KIF20B: variants seen among roughly 807,000 people sequenced by gnomAD.
The protein encoded by KIF20B is kinesin family member 20B.
In KIF20B, 188 loss-of-function variants were observed where a neutral mutation model predicts 232.5. That is an observed-to-expected ratio of 0.81 (90% CI 0.72 to 0.91). KIF20B has a LOEUF of 0.91. Ranked by LOEUF, KIF20B falls within the 40% of genes least tolerant of loss-of-function variation. KIF20B has a pLI of 0.00. For synonymous variants in KIF20B, 712 were observed against 683.0 expected (o/e 1.04, Z -0.66); for missense variants, 2,154 against 2,055.9 (o/e 1.05, Z -0.92).
At chr10:89,714,646 T>A (rs1842901694) in intron 7 of KIF20B, among the ~76,000 whole-genome samples, 1 of 152,248 alleles carries the variant, frequency 6.6e-6, no homozygotes, top group South Asian at 2.1e-4. Context: ...ATATTACAGA[T>A]ATCCCTTTTA....
intron 27 of KIF20B, among the ~76,000 whole-genome samples, chr10:89,759,830 C>T (rs1842201290): frequency 6.6e-6 from 1 of 152,008 alleles, no homozygotes. Context: ...TCTTATTTGG[C>T]AGTAATGGGG....
Position 89,774,653 on chromosome 10 carries a change from C to T in KIF20B, c.*605C>T, listed in dbSNP as rs1440634474. ...TATCATGGAGAATGAGGTATCCATC[C>T]CCTCAAGCATTTTTCCTTTGAATTA... On this transcript the variant is annotated 3_prime_UTR_variant, in exon 33 of 33. Coordinates refer to ENST00000371728, the MANE Select transcript of KIF20B (RefSeq NM_001284259.2). The T allele has an allele frequency of 3.3e-5, 5 of 151,882 alleles. No homozygotes were observed. The highest frequency in any genetic ancestry group is 1.2e-4 in the African/African-American group (5 of 41,390). The allele number at this position is 151,882 out of a possible 1,614,324, so 9.4% of individuals were successfully genotyped here.
intron 24 of KIF20B, 30 bp from the exon 25 acceptor site, chr10:89,752,537 T>G: frequency 1.3e-6 from 2 of 1,546,864 alleles, no homozygotes; most frequent in Non-Finnish European, 8.8e-7. Flanking sequence ...TGCATATGCT[T>G]TAAAACATAA....
intron 13 of KIF20B, 95 bp from the exon 14 acceptor site, chr10:89,723,869 C>T: frequency 1.0e-6 from 1 of 968,898 alleles, no homozygotes; most frequent in Admixed American, 3.9e-5. Flanking sequence ...TTACAATTGA[C>T]TAAATGTAAA....
Position 89,758,891 on chromosome 10 carries a change from T to G in KIF20B, c.4680+9T>G. The G allele has an allele frequency of 6.8e-7, 1 of 1,470,170 alleles. No homozygotes were observed. 91.1% of individuals were successfully genotyped at this position (1,470,170 alleles called of 1,614,324 possible). A position where few individuals can be genotyped will look rare whatever the true frequency, so the allele number is the denominator to read the frequency against. ...CAGAGACTTCTAAAATAGTCAGTAGTCTTTTTTGCTATGCCTTTTTAATTG... is the reference window on the plus strand; with the variant it reads ...CAGAGACTTCTAAAATAGTCAGTAGGCTTTTTTGCTATGCCTTTTTAATTG... On this transcript the variant is annotated intron_variant, in intron 27 of 32. Coordinates refer to ENST00000371728, the MANE Select transcript of KIF20B (RefSeq NM_001284259.2).
At chr10:89,765,293 A>G (rs974051686) in intron 29 of KIF20B, among the ~76,000 whole-genome samples, 2 of 152,162 alleles carry the variant, frequency 1.3e-5, no homozygotes, top group African/African-American at 4.8e-5. Flanking sequence ...CAATTGCTTC[A>G]AAGAGAATAA....
In KIF20B at chr10:89,774,557, T is replaced by G. The variant is rs1425835638; in HGVS notation, c.*509T>G. The G allele has an allele frequency of 6.6e-6, 1 of 152,044 alleles. No homozygotes were observed. Among genetic ancestry groups the G allele is most frequent in the African/African-American group, 2.4e-5 (1 of 41,426 alleles). The allele number at this position is 152,044 out of a possible 1,614,324, so 9.4% of individuals were successfully genotyped here. On this transcript the variant is annotated 3_prime_UTR_variant, in exon 33 of 33. Transcript: ENST00000371728. The stretch of plus-strand genomic sequence containing the variant: ...ACTTATTTTGTAAACATTTTGTGGG[T>G]ACATAGTACATGTATATATTTACGG...
chr10:89,741,135 A>C (rs1477631400), intron 21 of KIF20B, among the ~76,000 whole-genome samples: 1 of 152,214 alleles, frequency 6.6e-6, no homozygotes, highest in Non-Finnish European at 1.5e-5. Context: ...TCTGGGGGTG[A>C]TGGGAGACAG....
chr10:89,723,273 A>G (rs1843106063), intron 13 of KIF20B, among the ~76,000 whole-genome samples: 1 of 152,226 alleles, frequency 6.6e-6, no homozygotes, highest in Non-Finnish European at 1.5e-5. Context: ...ATTAAAAAGA[A>G]TATGTAGCTG....
Position 89,726,382 on chromosome 10 carries a change from CT to C in KIF20B, c.2093del (p.Leu698TyrfsTer16). On this transcript the variant is annotated frameshift_variant, in exon 16 of 33. Coordinates refer to ENST00000371728, the MANE Select transcript of KIF20B (RefSeq NM_001284259.2). LOFTEE classifies it high-confidence loss of function. The stretch of plus-strand genomic sequence containing the variant: ...TTAAGAAACAGGCTGAAATTGCTCA[CT>C]TATATATTGCATCTCTTCCTGACCC... ...DIKKQAEIAHLYIASLPDPQE... is the reference protein window; with the variant it reads ...DIKKQAEIAHXYIASLPDPQE... 6.4e-7 allele frequency: 1 copy of C among 1,570,982 alleles called. No individual in the cohort carries two copies. The highest frequency in any genetic ancestry group is 1.2e-5 in the South Asian group (1 of 85,930).
Position 89,719,555 on chromosome 10 carries a change from A to G in KIF20B, c.1571A>G (p.Asn524Ser). The part of the protein sequence containing the change: ...NVKRATISWE[N>S]SLEDLMEDED... ...AAAAGAGCCACCATTTCATGGGAAA[A>G]TAGTCTAGAAGATTTGATGGAAGAC... The change falls in exon 13 of 33, where the codon AAT becomes AGT. Residue 524 changes from asparagine to serine, a missense_variant. Transcript: ENST00000371728. 6.2e-7 allele frequency: 1 copy of G among 1,613,552 alleles called. No individual in the cohort carries two copies. The highest frequency in any genetic ancestry group is 1.1e-5 in the South Asian group (1 of 91,028).
rs1376384611 is a variant in KIF20B, at chr10:89,764,998, C to T, written c.4989+2163C>T. Reference sequence around the variant, plus strand: ...TGCCTATGTCCTGAATGGTAATGCCCAGGTTTTCTTCTAGGGTTTTTATGG... The same window carrying T: ...TGCCTATGTCCTGAATGGTAATGCCTAGGTTTTCTTCTAGGGTTTTTATGG... On this transcript the variant is annotated intron_variant, in intron 29 of 32. Transcript: ENST00000371728. 1.3e-3 allele frequency among the ~76,000 whole-genome samples: 194 copies of T among 151,254 alleles called. 1 individual carries two copies. The highest frequency in any genetic ancestry group is 3.4e-3 in the Middle Eastern group (1 of 294).
In KIF20B at chr10:89,739,013, C is replaced by T. The variant is rs768678283; in HGVS notation, c.3832C>T (p.Leu1278Phe). 6.2e-7 allele frequency: 1 copy of T among 1,613,252 alleles called. No homozygotes were observed. The highest frequency in any genetic ancestry group is 1.1e-5 in the South Asian group (1 of 91,022). ...TCGTACCCAGAATCTGAAAGCAGAT[C>T]TTCAGAGGAAGGAAGAAGATTATGC... is the stretch of plus-strand genomic sequence containing the variant. The part of the protein sequence containing the change: ...SARTQNLKAD[L>F]QRKEEDYADL... Residue 1278 changes from leucine (L) to phenylalanine (F), a missense_variant, in exon 21 of 33, where the codon CTT becomes TTT. Physicochemically the swap from Leu to Phe is conservative, Grantham distance 22. Transcript: ENST00000371728.
chr10:89,735,191 C>G (rs146895977), intron 19 of KIF20B, among the ~76,000 whole-genome samples: 1 of 152,170 alleles, frequency 6.6e-6, no homozygotes, highest in African/African-American at 2.4e-5. Flanking sequence ...TTACATATAT[C>G]TAGAAGCAGA....
At chr10:89,755,449 CT>C (rs1364019705) in intron 26 of KIF20B, among the ~76,000 whole-genome samples, 200 of 120,852 alleles carry the variant, frequency 1.7e-3, no homozygotes, top group Middle Eastern at 4.3e-3. Flanking sequence ...TCCCTCCCCC[CT>C]TTCCTTCCCT....
chr10:89,751,579 T>C lies in KIF20B; in HGVS notation c.4222+108T>C, dbSNP rs1355507450. 6 of 1,035,484 alleles carry C rather than the reference T, an allele frequency of 5.8e-6. No homozygotes were observed. The East Asian group carries it at 1.3e-4, about 23-fold the overall frequency. 64.1% of individuals were successfully genotyped at this position (1,035,484 alleles called of 1,614,324 possible). On this transcript the variant is annotated intron_variant, in intron 24 of 32. Coordinates refer to ENST00000371728, the MANE Select transcript of KIF20B (RefSeq NM_001284259.2). ...AGTACGTATTTTCAGTGATTGATAA[T>C]GGAAAAGTATTTGGTGTTTTTTGAA...
Position 89,768,354 on chromosome 10 carries a change from C to A in KIF20B, c.5054C>A (p.Ser1685Ter), listed in dbSNP as rs1280171802. The A allele has an allele frequency of 6.3e-7, 1 of 1,590,344 alleles. No individual in the cohort carries two copies. Among genetic ancestry groups the A allele is most frequent in the Non-Finnish European group, 8.6e-7 (1 of 1,167,616 alleles). ...TPRTNLKFPI[S>*]DDRNSSVKKE... Reference sequence around the variant, plus strand: ...AGAACTAATTTGAAATTTCCTATTTCAGATGATAGAAATTCTTCTGTCAAA... The same window carrying A: ...AGAACTAATTTGAAATTTCCTATTTAAGATGATAGAAATTCTTCTGTCAAA... Residue 1685 changes from serine to a stop codon, truncating the protein, a stop_gained, in exon 30 of 33, where the codon TCA becomes TAA. Coordinates refer to ENST00000371728, the MANE Select transcript of KIF20B (RefSeq NM_001284259.2). LOFTEE classifies it high-confidence loss of function.
chr10:89,738,284 C>A lies in KIF20B; in HGVS notation c.3443C>A (p.Ala1148Glu), dbSNP rs117564945. 1.9e-6 allele frequency: 3 copies of A among 1,610,650 alleles called. No individual in the cohort carries two copies. The highest frequency in any genetic ancestry group is 2.2e-5 in the South Asian group (2 of 89,948). The change falls in exon 20 of 33, where the codon GCG becomes GAG. Residue 1148 changes from alanine (A) to glutamate (E), a missense_variant. By Grantham distance (107) the Ala-to-Glu change is moderately radical. Coordinates refer to ENST00000371728, the MANE Select transcript of KIF20B (RefSeq NM_001284259.2). ...QIQHVVEGKR[A>E]LSELTQGVTC... ...CAGCATGTAGTTGAAGGAAAGAGAG[C>A]GCTTTCAGAACTTACACAAGGTGTT... is the stretch of plus-strand genomic sequence containing the variant.
At chr10:89,757,238 A>G (rs1298755467) in intron 26 of KIF20B, among the ~76,000 whole-genome samples, 1 of 151,722 alleles carries the variant, frequency 6.6e-6, no homozygotes, top group South Asian at 2.1e-4. Flanking sequence ...AATGGTTTTA[A>G]TGTGCTTTTC....
Sources: allele counts gnomAD v4.1 joint callset (sites outside exome capture counted in the v4.1 genomes callset), GRCh38; gene constraint gnomAD v4.1.1; transcripts MANE v1.5; gene names NCBI Gene and HGNC (gene_info 2026-07-23, HGNC 2026-07-21).